CSMD1: variants seen among roughly 807,000 people sequenced by gnomAD.
The protein encoded by CSMD1 is CUB and Sushi multiple domains 1, also known as CUB and sushi domain-containing protein 1.
In CSMD1, 213 loss-of-function variants were observed where a neutral mutation model predicts 417.5. The observed-to-expected ratio is 0.51, with a 90% CI of 0.46 to 0.57. The LOEUF is 0.57. CSMD1 is among the 20% of genes least tolerant of loss of function. The probability of loss-of-function intolerance (pLI) is 0.00; values close to 1 mark genes in which losing one functional copy is unlikely to be tolerated. For missense variants in CSMD1, 6,923 were observed against 4,529.7 expected (o/e 1.53, Z -15.17); for synonymous variants, 2,862 against 1,736.8 (o/e 1.65, Z -16.11).
intron 3 of CSMD1, among the ~76,000 whole-genome samples, chr8:4,246,926 A>G (rs1802748831): frequency 6.6e-6 from 1 of 152,212 alleles, no homozygotes; most frequent in Admixed American, 6.5e-5. Context: ...AATCTTTGTA[A>G]GAGAGAATGT....
intron 3 of CSMD1, among the ~76,000 whole-genome samples, chr8:4,152,520 G>A (rs552235822): frequency 6.6e-5 from 6 of 91,240 alleles, no homozygotes; most frequent in South Asian, 9.8e-4. Context: ...TCTACAGAGA[G>A]TACCAAAAAA....
At chr8:4,181,433 T>G (rs80199021) in intron 3 of CSMD1, among the ~76,000 whole-genome samples, 11 of 151,958 alleles carry the variant, frequency 7.2e-5, no homozygotes, top group Non-Finnish European at 1.2e-4. Context: ...CTGGGCAACA[T>G]TGGAAAAAGA....
At chr8:4,744,085 G>C (rs1810798552) in intron 1 of CSMD1, among the ~76,000 whole-genome samples, 1 of 152,164 alleles carries the variant, frequency 6.6e-6, no homozygotes, top group Admixed American at 6.5e-5. Context: ...AATTAAGGCA[G>C]GTATGAGCAG....
intron 3 of CSMD1, among the ~76,000 whole-genome samples, chr8:4,162,528 A>C (rs1797233178): frequency 6.6e-6 from 1 of 152,194 alleles, no homozygotes; most frequent in South Asian, 2.1e-4. Context: ...AGAATATTAA[A>C]TTTTGATATT....
intron 1 of CSMD1, among the ~76,000 whole-genome samples, chr8:4,784,726 T>C (rs1419314501): frequency 6.6e-6 from 1 of 152,200 alleles, no homozygotes; most frequent in Admixed American, 6.5e-5. Flanking sequence ...GGAATGTTAA[T>C]AAGAGATTTA....
intron 49 of CSMD1, among the ~76,000 whole-genome samples, chr8:3,069,518 A>C (rs1813182835): frequency 6.6e-6 from 1 of 152,120 alleles, no homozygotes; most frequent in Non-Finnish European, 1.5e-5. Context: ...GTAAATCTTA[A>C]ACCTCCCAAA....
chr8:4,333,629 G>T (rs1020707506), intron 3 of CSMD1, among the ~76,000 whole-genome samples: 23 of 152,246 alleles, frequency 1.5e-4, no homozygotes, highest in African/African-American at 4.3e-4. Context: ...TAAGGAGAGT[G>T]ATCTAAATCT....
At chr8:3,741,213 T>TAAAAAAAAAA (rs58662516) in intron 6 of CSMD1, among the ~76,000 whole-genome samples, 18 of 67,268 alleles carry the variant, frequency 2.7e-4, no homozygotes, top group South Asian at 7.5e-4. Flanking sequence ...GACTCCGTCT[T>TAAAAAAAAAA]AAAAAAAAAA....
intron 10 of CSMD1, among the ~76,000 whole-genome samples, chr8:3,568,456 T>C (rs1180868924): frequency 6.6e-6 from 1 of 152,206 alleles, no homozygotes; most frequent in Non-Finnish European, 1.5e-5. Context: ...CAGTAAGATG[T>C]ACTAACGTTT....
chr8:3,971,440 C>G (rs1032982634), intron 5 of CSMD1, among the ~76,000 whole-genome samples: 12 of 152,034 alleles, frequency 7.9e-5, no homozygotes, highest in Non-Finnish European at 1.8e-4. Context: ...TCTCTATAAG[C>G]TTTGGGATTC....
intron 52 of CSMD1, among the ~76,000 whole-genome samples, chr8:3,010,929 T>C (rs1808337735): frequency 6.6e-6 from 1 of 151,932 alleles, no homozygotes; most frequent in Admixed American, 6.6e-5. Context: ...GGTTTCACTA[T>C]GTTGGCCAGG....
Position 4,202,321 on chromosome 8 carries a change from G to C in CSMD1, c.416-170222C>G, listed in dbSNP as rs1013595870. 7.9e-5 allele frequency among the ~76,000 whole-genome samples: 12 copies of C among 152,130 alleles called. No homozygotes were observed. The South Asian group carries it at 1.0e-3, about 13-fold the overall frequency. On this transcript the variant is annotated intron_variant, in intron 3 of 69. Coordinates refer to ENST00000635120, the MANE Select transcript of CSMD1 (RefSeq NM_033225.6). ...AAGCATCTGCCTATTTGCTTTTCAA[G>C]AGCTCACTTACAATATGGCATTTTA...
intron 3 of CSMD1, among the ~76,000 whole-genome samples, chr8:4,331,334 C>A (rs1037756492): frequency 6.6e-6 from 1 of 152,128 alleles, no homozygotes; most frequent in African/African-American, 2.4e-5. Flanking sequence ...AGTTTTGAGA[C>A]TAATTTTACC....
intron 20 of CSMD1, among the ~76,000 whole-genome samples, chr8:3,363,661 G>A (rs573845593): frequency 6.6e-6 from 1 of 152,142 alleles, no homozygotes; most frequent in Non-Finnish European, 1.5e-5. Context: ...CTGAGTAGCT[G>A]CGACCACAGG....
chr8:3,732,149 C>T (rs1056287666), intron 6 of CSMD1, among the ~76,000 whole-genome samples: 4 of 152,196 alleles, frequency 2.6e-5, no homozygotes, highest in Non-Finnish European at 5.9e-5. Flanking sequence ...CACGGGCAAG[C>T]CCTGAGTTCA....
chr8:4,978,052 C>T (rs1810667507), intron 1 of CSMD1, among the ~76,000 whole-genome samples: 1 of 152,194 alleles, frequency 6.6e-6, no homozygotes, highest in South Asian at 2.1e-4. Context: ...TACAGCCAGA[C>T]TCAGCATACC....
chr8:3,252,776 C>T (rs1322413040), intron 26 of CSMD1, among the ~76,000 whole-genome samples: 1 of 152,122 alleles, frequency 6.6e-6, no homozygotes, highest in Non-Finnish European at 1.5e-5. Flanking sequence ...CAACTTCTTC[C>T]TCGTTTAGTC....
intron 58 of CSMD1, 115 bp from the exon 59 acceptor site, chr8:2,966,069 T>C: frequency 5.6e-6 from 5 of 894,272 alleles, no homozygotes; most frequent in Non-Finnish European, 8.7e-6. Context: ...GGTTAAGCAG[T>C]GAATTAATAC....
chr8:3,018,006 C>T (rs1809004080), intron 52 of CSMD1, among the ~76,000 whole-genome samples: 1 of 151,920 alleles, frequency 6.6e-6, no homozygotes, highest in Non-Finnish European at 1.5e-5. Flanking sequence ...ATTTTTCAAT[C>T]CATTTTTTAA....
Sources: allele counts gnomAD v4.1 joint callset (sites outside exome capture counted in the v4.1 genomes callset), GRCh38; gene constraint gnomAD v4.1.1; transcripts MANE v1.5; gene names NCBI Gene and HGNC (gene_info 2026-07-23, HGNC 2026-07-21).